Variants in ADAMTSL1 observed in about 807,000 individuals in gnomAD.
ADAMTSL1 encodes the protein ADAMTS-like protein 1.
In ADAMTSL1, 126 loss-of-function variants were observed where a neutral mutation model predicts 201.8. The ratio of observed to expected loss-of-function variants is 0.62; its 90% confidence interval spans 0.54 to 0.72. The LOEUF is 0.72. Among genes scored for constraint, ADAMTSL1 ranks in the 30% least tolerant of loss-of-function variants. The pLI is 0.00. For synonymous variants in ADAMTSL1, 1,121 were observed against 903.4 expected, an observed-to-expected ratio of 1.24 and a Z score of -4.32; for missense variants, 2,679 against 2,277.8, an observed-to-expected ratio of 1.18 and a Z score of -3.59.
intron 1 of ADAMTSL1, among the ~76,000 whole-genome samples, chr9:17,948,203 T>G (rs1157178599): frequency 6.6e-6 from 1 of 152,214 alleles, no homozygotes; most frequent in Non-Finnish European, 1.5e-5. Context: ...AAATTAATAG[T>G]CATAGCTTTC....
intron 2 of ADAMTSL1, among the ~76,000 whole-genome samples, chr9:18,516,420 T>C (rs936868125): frequency 7.2e-5 from 11 of 152,170 alleles, no homozygotes; most frequent in Non-Finnish European, 1.2e-4. Flanking sequence ...CCCTAACTAA[T>C]ATACCAACCT....
chr9:18,129,078 A>C (rs1825849349), intron 1 of ADAMTSL1, among the ~76,000 whole-genome samples: 1 of 152,204 alleles, frequency 6.6e-6, no homozygotes, highest in Non-Finnish European at 1.5e-5. Flanking sequence ...TTATTTTAGC[A>C]ATGGTATAAT....
At chr9:18,097,134 A>G (rs974268397) in intron 1 of ADAMTSL1, among the ~76,000 whole-genome samples, 2 of 152,204 alleles carry the variant, frequency 1.3e-5, no homozygotes, top group Non-Finnish European at 2.9e-5. Flanking sequence ...ATTGCAAGCC[A>G]ACATCACTAG....
At chr9:18,778,257 C>T (rs984559306) in intron 19 of ADAMTSL1, among the ~76,000 whole-genome samples, 11 of 152,226 alleles carry the variant, frequency 7.2e-5, no homozygotes, top group African/African-American at 2.7e-4. Context: ...TATGTTACTA[C>T]TCTGTAAGAT....
At chr9:18,641,322 A>G (rs915563587) in intron 7 of ADAMTSL1, among the ~76,000 whole-genome samples, 2 of 152,222 alleles carry the variant, frequency 1.3e-5, no homozygotes, top group Middle Eastern at 3.4e-3. Context: ...TCATATCTCC[A>G]TAAGAAGAAC....
rs1189458464 is a variant in ADAMTSL1, at chr9:18,675,965, C to CTA, written c.1136+67_1136+68dup. 7.7e-6 allele frequency: 11 copies of CTA among 1,420,808 alleles called. No homozygotes were observed. The African/African-American group carries it at 8.5e-5, about 11-fold the overall frequency. The allele number at this position is 1,420,808 out of a possible 1,614,324, so 88.0% of individuals were successfully genotyped here. A position where few individuals can be genotyped will look rare whatever the true frequency, so the allele number is the denominator to read the frequency against. On this transcript the variant is annotated intron_variant, in intron 10 of 28. Transcript: ENST00000380548. ...AGCAAATTAGTCTTCTGCTGCTTATCTATATATATAGAGATATACATATAC... is the reference window on the plus strand; with the variant it reads ...AGCAAATTAGTCTTCTGCTGCTTATCTATATATATATAGAGATATACATATAC...
chr9:18,000,698 T>C (rs533387535), intron 1 of ADAMTSL1, among the ~76,000 whole-genome samples: 14 of 152,090 alleles, frequency 9.2e-5, no homozygotes, highest in Admixed American at 7.9e-4. Context: ...TTGAAACAGA[T>C]TTTGGTTATC....
In ADAMTSL1 at chr9:18,892,583, C is replaced by A; in HGVS notation, c.4838C>A (p.Ser1613Tyr). 1 of 1,560,772 alleles carries A rather than the reference C, an allele frequency of 6.4e-7. No homozygotes were observed. The highest frequency in any genetic ancestry group is 8.7e-7 in the Non-Finnish European group (1 of 1,152,168). The change falls in exon 26 of 29, where the codon TCC becomes TAC. Residue 1613 changes from serine (S) to tyrosine (Y), a missense_variant. By Grantham distance (144) the Ser-to-Tyr change is moderately radical. Coordinates refer to ENST00000380548, the MANE Select transcript of ADAMTSL1 (RefSeq NM_001040272.6). ...CAGCTGTGTGTGGAGTGGGCCTTCT[C>A]CAGCTGGGGCCAGGTGAGGAGCCAG... Reference protein sequence around the residue: ...NQQLCVEWAFSSWGQCNGPCI... With the variant: ...NQQLCVEWAFYSWGQCNGPCI...
chr9:18,858,485 C>T (rs745853673), intron 23 of ADAMTSL1, among the ~76,000 whole-genome samples: 40 of 152,110 alleles, frequency 2.6e-4, no homozygotes, highest in Non-Finnish European at 4.9e-4. Context: ...TAATGGGTTT[C>T]GACTGAACCA....
intron 2 of ADAMTSL1, among the ~76,000 whole-genome samples, chr9:18,292,879 G>T (rs1043754271): frequency 4.6e-5 from 7 of 152,134 alleles, no homozygotes; most frequent in African/African-American, 1.7e-4. Flanking sequence ...ATTACCTTGT[G>T]ATCATGTGAG....
chr9:18,768,206 C>T (rs2133701705), intron 16 of ADAMTSL1, among the ~76,000 whole-genome samples: 1 of 152,290 alleles, frequency 6.6e-6, no homozygotes, highest in African/African-American at 2.4e-5. Context: ...AGGCTCTCGG[C>T]AGGCTTGGTG....
intron 15 of ADAMTSL1, among the ~76,000 whole-genome samples, chr9:18,725,338 A>G (rs542826): frequency 0.84 from 127,241 of 152,210 alleles, 53,516 homozygotes; most frequent in Admixed American, 0.9. Context: ...CCAGGGAGGA[A>G]TTTGATTGTC....
In ADAMTSL1 at chr9:18,106,841, G is replaced by A. The variant is rs557638347; in HGVS notation, c.88-57021G>A. 4.6e-5 allele frequency among the ~76,000 whole-genome samples: 7 copies of A among 152,308 alleles called. No individual in the cohort carries two copies. In the South Asian group the frequency reaches 1.5e-3, roughly 32 times the overall value. On this transcript the variant is annotated intron_variant, in intron 1 of 29. Coordinates refer to the ADAMTSL1 transcript ENST00000680146. Reference sequence around the variant, plus strand: ...CAGCAGGAAAAATGGTCTAAGTTTAGATGATAAGAATGGGCCTGAGTGTCT... The same window carrying A: ...CAGCAGGAAAAATGGTCTAAGTTTAAATGATAAGAATGGGCCTGAGTGTCT...
chr9:18,836,105 T>C (rs1427672063), intron 23 of ADAMTSL1, among the ~76,000 whole-genome samples: 1 of 152,320 alleles, frequency 6.6e-6, no homozygotes, highest in Non-Finnish European at 1.5e-5. Context: ...GCGGCTAAAC[T>C]AATTTACAGT....
chr9:18,874,881 GAA>G (rs1358912546), intron 23 of ADAMTSL1, among the ~76,000 whole-genome samples: 1 of 151,710 alleles, frequency 6.6e-6, no homozygotes, highest in Non-Finnish European at 1.5e-5. Flanking sequence ...ATTCAGCTGT[GAA>G]TCCATCTGGT....
At chr9:18,118,288 T>C (rs1825344868) in intron 1 of ADAMTSL1, among the ~76,000 whole-genome samples, 1 of 152,214 alleles carries the variant, frequency 6.6e-6, no homozygotes, top group Non-Finnish European at 1.5e-5. Context: ...CAACCTTGCC[T>C]AAGAAGATGT....
At position 18,826,338 on chromosome 9, in the gene ADAMTSL1, C is replaced by T. The variant is rs375010823; in HGVS notation, c.3989C>T (p.Pro1330Leu). 2.8e-5 allele frequency: 45 copies of T among 1,613,420 alleles called. No individual in the cohort carries two copies. The highest frequency in any genetic ancestry group is 1.6e-4 in the Middle Eastern group (1 of 6,084). Residue 1330 changes from proline (P) to leucine (L), a missense_variant, in exon 22 of 29, where the codon CCG (proline) becomes CTG (leucine). Pro to Leu is a moderately conservative substitution (Grantham distance 98, BLOSUM62 -3). Coordinates refer to ENST00000380548, the MANE Select transcript of ADAMTSL1 (RefSeq NM_001040272.6). ...WFRNKSKLGSPHHLHEGSLLL... is the reference protein window; with the variant it reads ...WFRNKSKLGSLHHLHEGSLLL... ...AGGAATAAAAGCAAACTGGGCTCCCCGCACCATCTGCACGAAGGCTCCTTG... is the reference window on the plus strand; with the variant it reads ...AGGAATAAAAGCAAACTGGGCTCCCTGCACCATCTGCACGAAGGCTCCTTG...
rs1239180390 is a variant in ADAMTSL1 at position 18,099,355 on chromosome 9, A to ATATATATATT, written c.88-64506_88-64505insATATATATTT. Among the ~76,000 whole-genome samples, 71 of 45,536 alleles carry ATATATATATT rather than the reference A, an allele frequency of 1.6e-3. 1 individual carries two copies. Among genetic ancestry groups the ATATATATATT allele is most frequent in the Non-Finnish European group, 2.2e-3 (53 of 24,550 alleles). The allele number at this position is 45,536 out of a possible 152,430, so 29.9% of individuals were successfully genotyped here. Reference sequence around the variant, plus strand: ...TATATATATATATATATATATATATATTTTTTTTTTTTTTTTTAACATCCA... The same window carrying ATATATATATT: ...TATATATATATATATATATATATATATATATATATTTTTTTTTTTTTTTTTTTAACATCCA... On this transcript the variant is annotated intron_variant, in intron 1 of 29. Coordinates refer to the ADAMTSL1 transcript ENST00000680146.
At chr9:18,037,910 G>A (rs1024042420) in intron 1 of ADAMTSL1, among the ~76,000 whole-genome samples, 12 of 151,434 alleles carry the variant, frequency 7.9e-5, no homozygotes, top group African/African-American at 2.9e-4. Flanking sequence ...TCCCCAGCAG[G>A]CTTCAAAATC....
Sources: gnomAD v4.1 joint callset for allele counts (sites outside exome capture counted in the v4.1 genomes callset) on GRCh38, gnomAD v4.1.1 for gene constraint, MANE v1.5 for transcripts, NCBI Gene and HGNC (gene_info 2026-07-23, HGNC 2026-07-21) for gene names.